TFDP2: variants seen among roughly 807,000 people sequenced by gnomAD.
The protein encoded by TFDP2 is transcription factor Dp-2, also known as transcription factor Dp-2 (E2F dimerization partner 2).
Under a neutral mutation model 59.3 loss-of-function variants are expected in TFDP2, and 17 were observed. The observed-to-expected ratio is 0.29, with a 90% CI of 0.20 to 0.43. The LOEUF (loss-of-function observed/expected upper bound fraction) is 0.43. TFDP2 is among the 20% of genes least tolerant of loss of function. The pLI is 1.00. For missense variants in TFDP2, 391 were observed against 528.8 expected (o/e 0.74, Z 2.56); for synonymous variants, 180 against 194.7 (o/e 0.92, Z 0.63).
rs548542794 is a variant in TFDP2 at position 142,058,366 on chromosome 3, C to T, written c.82+34695G>A. Among the ~76,000 whole-genome samples the T allele has an allele frequency of 4.0e-5, 6 of 149,030 alleles. No individual in the cohort carries two copies. In the East Asian group the frequency reaches 7.9e-4, roughly 20 times the overall value. On this transcript the variant is annotated intron_variant, in intron 3 of 12. Transcript: ENST00000489671. The stretch of plus-strand genomic sequence containing the variant: ...CACACCAACCAATTCTCCAATTCTT[C>T]AGACACCAATTAGGTGTCTAACAAT...
At chr3:142,028,238 T>C (rs1304952011) in intron 3 of TFDP2, among the ~76,000 whole-genome samples, 1 of 152,234 alleles carries the variant, frequency 6.6e-6, no homozygotes, top group Non-Finnish European at 1.5e-5. Context: ...AACTATCCTT[T>C]GAATTGCTTT....
intron 4 of TFDP2, among the ~76,000 whole-genome samples, chr3:142,001,990 GTTTT>G (rs140582209): frequency 1.5e-4 from 18 of 116,796 alleles, no homozygotes; most frequent in Admixed American, 1.2e-3. Context: ...ACCATGCCTG[GTTTT>G]TTTTTTTTTT....
chr3:141,997,692 A>G (rs1398004997), intron 4 of TFDP2, among the ~76,000 whole-genome samples: 1 of 151,878 alleles, frequency 6.6e-6, no homozygotes, highest in Non-Finnish European at 1.5e-5. Context: ...TCTCCTAAAA[A>G]TACAAAAATT....
chr3:142,028,481 T>C lies in TFDP2; in HGVS notation c.83-22937A>G, dbSNP rs530609534. 6.0e-6 allele frequency: 5 copies of C among 838,958 alleles called. No homozygotes were observed. In the South Asian group the frequency reaches 2.8e-4, roughly 47 times the overall value. The allele number at this position is 838,958 out of a possible 1,614,324, so 52.0% of individuals were successfully genotyped here. On this transcript the variant is annotated intron_variant, in intron 3 of 12. Coordinates refer to ENST00000489671, the MANE Select transcript of TFDP2 (RefSeq NM_001178139.2). Reference sequence around the variant, plus strand: ...GGACGTCTTGAAATCAGCGTGCTCCTGGCTATTTATCAATTTAATATTGCT... The same window carrying C: ...GGACGTCTTGAAATCAGCGTGCTCCCGGCTATTTATCAATTTAATATTGCT...
chr3:142,072,057 G>A (rs1316540536), intron 3 of TFDP2, among the ~76,000 whole-genome samples: 2 of 152,102 alleles, frequency 1.3e-5, no homozygotes, highest in Non-Finnish European at 2.9e-5. Context: ...TAAGACCATG[G>A]AACACTATAG....
intron 3 of TFDP2, among the ~76,000 whole-genome samples, chr3:142,039,684 G>A (rs1213598663): frequency 6.6e-6 from 1 of 152,116 alleles, no homozygotes; most frequent in East Asian, 1.9e-4. Context: ...CTAAAGCTAA[G>A]GCTGAACCAG....
At chr3:141,958,404 T>C (rs2107865838) in intron 11 of TFDP2, among the ~76,000 whole-genome samples, 1 of 152,310 alleles carries the variant, frequency 6.6e-6, no homozygotes, top group South Asian at 2.1e-4. Context: ...AGTATATTAC[T>C]ATGACTTCAC....
chr3:142,141,697 C>T (rs2062969631), intron 1 of TFDP2, among the ~76,000 whole-genome samples: 1 of 151,880 alleles, frequency 6.6e-6, no homozygotes. Context: ...GTGGCACATA[C>T]CTGTTATCCC....
At chr3:142,045,653 C>G (rs1297024693) in intron 3 of TFDP2, among the ~76,000 whole-genome samples, 1 of 150,772 alleles carries the variant, frequency 6.6e-6, no homozygotes, top group East Asian at 2.0e-4. Flanking sequence ...CGCTTTGTCA[C>G]CCAGGCTGGA....
intron 3 of TFDP2, among the ~76,000 whole-genome samples, chr3:142,042,630 C>CTTTTTTTTTTTTTTTTTTTT (rs66981475): frequency 2.8e-5 from 3 of 108,220 alleles, no homozygotes; most frequent in Non-Finnish European, 3.7e-5. Context: ...CTTTTCTTTT[C>CTTTTTTTTTTTTTTTTTTTT]TTTTTTTTTT....
At chr3:142,108,626 A>G (rs111489778) in intron 1 of TFDP2, among the ~76,000 whole-genome samples, 1 of 152,322 alleles carries the variant, frequency 6.6e-6, no homozygotes, top group African/African-American at 2.4e-5. Flanking sequence ...ATTCCTTTAC[A>G]TCGTTATACT....
chr3:141,987,019 A>T (rs78238410), intron 6 of TFDP2, among the ~76,000 whole-genome samples: 11,321 of 152,168 alleles, frequency 0.074, 524 homozygotes, highest in Non-Finnish European at 0.11. Flanking sequence ...TTTCTCATAA[A>T]TTGTCTGTAG....
chr3:142,076,558 A>G (rs1181790061), intron 3 of TFDP2, among the ~76,000 whole-genome samples: 1 of 152,236 alleles, frequency 6.6e-6, no homozygotes, highest in African/African-American at 2.4e-5. Context: ...AGTGGTTTCA[A>G]TCTTTAATCT....
chr3:142,119,781 C>T lies in TFDP2; in HGVS notation c.-92-17940G>A, dbSNP rs546800162. Among the ~76,000 whole-genome samples, 18 of 152,176 alleles carry T rather than the reference C, an allele frequency of 1.2e-4. No homozygotes were observed. The South Asian group carries it at 3.1e-3, about 26-fold the overall frequency. ...AACAAGAAAAAGAGACCGGGTGCAG[C>T]GGCTCACGCCTGTAATCCCAGCATT... On this transcript the variant is annotated intron_variant, in intron 1 of 12. Coordinates refer to ENST00000489671, the MANE Select transcript of TFDP2 (RefSeq NM_001178139.2).
intron 2 of TFDP2, among the ~76,000 whole-genome samples, chr3:142,097,884 C>T (rs2061210882): frequency 6.6e-6 from 1 of 152,092 alleles, no homozygotes; most frequent in Admixed American, 6.6e-5. Flanking sequence ...CTCCCAGGTT[C>T]AAGTGATTAT....
chr3:142,052,528 G>A (rs971372988), intron 3 of TFDP2, among the ~76,000 whole-genome samples: 7 of 151,966 alleles, frequency 4.6e-5, no homozygotes, highest in African/African-American at 7.2e-5. Flanking sequence ...GCGACTGAGC[G>A]AGACTCTGTC....
rs1010977634 is a variant in TFDP2 at position 141,946,370 on chromosome 3, G to A, written c.*6143C>T. The A allele has an allele frequency of 1.3e-5, 2 of 152,304 alleles. No homozygotes were observed. Among genetic ancestry groups the A allele is most frequent in the African/African-American group, 4.8e-5 (2 of 41,472 alleles). 9.4% of individuals were successfully genotyped at this position (152,304 alleles called of 1,614,324 possible). A position where few individuals can be genotyped will look rare whatever the true frequency, so the allele number is the denominator to read the frequency against. On this transcript the variant is annotated 3_prime_UTR_variant, in exon 13 of 13. Transcript: ENST00000489671. ...AACCTGCTGAAACAGCAAGGGGCAA[G>A]ACAGCATTGACTTCAACAGGCCTTT...
intron 1 of TFDP2, among the ~76,000 whole-genome samples, chr3:142,136,085 T>G (rs55814508): frequency 0.083 from 12,681 of 152,034 alleles, 697 homozygotes; most frequent in Middle Eastern, 0.14. Flanking sequence ...ACTTTTTAAT[T>G]ATCGCTGTTC....
intron 9 of TFDP2, among the ~76,000 whole-genome samples, chr3:141,965,756 C>A (rs1937944659): frequency 6.6e-6 from 1 of 151,814 alleles, no homozygotes; most frequent in South Asian, 2.1e-4. Flanking sequence ...TAAGTGTGTC[C>A]AAAAATCACT....
Sources: allele counts gnomAD v4.1 joint callset (sites outside exome capture counted in the v4.1 genomes callset), GRCh38; gene constraint gnomAD v4.1.1; transcripts MANE v1.5; gene names NCBI Gene and HGNC (gene_info 2026-07-23, HGNC 2026-07-21).